ZMIZ1: variants seen among roughly 807,000 people sequenced by gnomAD.
ZMIZ1 encodes the protein zinc finger MIZ-type containing 1.
In ZMIZ1, 17 loss-of-function variants were observed where a neutral mutation model predicts 113.9. The ratio of observed to expected loss-of-function variants is 0.15; its 90% confidence interval spans 0.10 to 0.22. The LOEUF (loss-of-function observed/expected upper bound fraction) is 0.22. ZMIZ1 is among the 10% of genes least tolerant of loss of function. The probability of loss-of-function intolerance (pLI) is 1.00; values close to 1 mark genes in which losing one functional copy is unlikely to be tolerated. For missense variants in ZMIZ1, 1,059 were observed against 1,477.8 expected, an observed-to-expected ratio of 0.72 and a Z score of 4.65; for synonymous variants, 607 against 603.1, an observed-to-expected ratio of 1.01 and a Z score of -0.09.
intron 18 of ZMIZ1, 91 bp downstream of exon 18, chr10:79,302,303 C>A (rs1233113583): frequency 1.5e-6 from 2 of 1,333,120 alleles, no homozygotes; most frequent in South Asian, 1.2e-5. Flanking sequence ...CTGGAACTGA[C>A]CTTTGCCTCC....
intron 6 of ZMIZ1, among the ~76,000 whole-genome samples, chr10:79,211,579 C>T (rs1220432895): frequency 1.3e-5 from 2 of 152,210 alleles, no homozygotes; most frequent in Non-Finnish European, 2.9e-5. Context: ...CACTTAGCCC[C>T]GAGCAGCAAA....
In ZMIZ1 at chr10:79,069,799, T is replaced by C. The variant is rs991882413; in HGVS notation, c.-337+529T>C. 1.1e-4 allele frequency among the ~76,000 whole-genome samples: 16 copies of C among 152,110 alleles called. No individual in the cohort carries two copies. The highest frequency in any genetic ancestry group is 3.3e-4 in the Admixed American group (5 of 15,280). On this transcript the variant is annotated intron_variant, in intron 1 of 24. Transcript: ENST00000334512. This position sits in a 1 kb window ranked among gnomAD's most constrained non-coding sequence, Gnocchi z 4.6. ...TGCGTCTGAATTTCCAGGGAAAACA[T>C]ACACTTTTGTAAATGGGAGGTGGGG...
chr10:79,196,844 C>T (rs1221572596), intron 4 of ZMIZ1, among the ~76,000 whole-genome samples: 3 of 152,232 alleles, frequency 2.0e-5, no homozygotes, highest in Admixed American at 6.5e-5. Flanking sequence ...CTGACTTGCC[C>T]CTCTGCAGCA....
At chr10:79,280,078 C>T (rs1040333409) in intron 8 of ZMIZ1, among the ~76,000 whole-genome samples, 3 of 151,876 alleles carry the variant, frequency 2.0e-5, no homozygotes, top group Non-Finnish European at 4.4e-5. Context: ...AAGCTCCGCC[C>T]CTGGGCTCAA....
intron 7 of ZMIZ1, among the ~76,000 whole-genome samples, chr10:79,244,110 G>A (rs1005799055): frequency 6.6e-6 from 1 of 152,258 alleles, no homozygotes; most frequent in Non-Finnish European, 1.5e-5. Flanking sequence ...CGGAGGCAGC[G>A]CCTGAGGGTC....
At chr10:79,305,076 T>C in intron 19 of ZMIZ1, 88 bp from the exon 20 acceptor site, 1 of 1,439,270 alleles carries the variant, frequency 6.9e-7, no homozygotes, top group Non-Finnish European at 9.8e-7. Context: ...TTCTCTCTGG[T>C]GGGGAAGTTA....
At chr10:79,259,066 GTAT>G (rs1384074919) in intron 7 of ZMIZ1, among the ~76,000 whole-genome samples, 1 of 152,202 alleles carries the variant, frequency 6.6e-6, no homozygotes, top group Admixed American at 6.5e-5. Context: ...CCAGCCGCCC[GTAT>G]TAGTTTAATC....
At chr10:79,180,815 C>A (rs1191377521) in intron 4 of ZMIZ1, among the ~76,000 whole-genome samples, 1 of 152,212 alleles carries the variant, frequency 6.6e-6, no homozygotes, top group Non-Finnish European at 1.5e-5. Context: ...ACCGCAACTC[C>A]ATTTGCAACT....
chr10:79,103,546 C>G (rs1388637526), intron 1 of ZMIZ1, among the ~76,000 whole-genome samples: 2 of 150,688 alleles, frequency 1.3e-5, no homozygotes, highest in Non-Finnish European at 3.0e-5. Context: ...GTGGAGAGGG[C>G]ATTTGATCCA....
At chr10:79,073,978 G>A (rs1030838855) in intron 1 of ZMIZ1, among the ~76,000 whole-genome samples, 3 of 152,212 alleles carry the variant, frequency 2.0e-5, no homozygotes, top group Admixed American at 2.0e-4. Context: ...AGGAAGATCA[G>A]TCCAAATAAA....
At chr10:79,297,961 G>T (rs924828828) in intron 14 of ZMIZ1, among the ~76,000 whole-genome samples, 4 of 152,158 alleles carry the variant, frequency 2.6e-5, no homozygotes, top group Non-Finnish European at 5.9e-5. Context: ...CCCAGATTCT[G>T]CAGGCCCCGA....
chr10:79,122,924 C>G (rs1844360836), intron 2 of ZMIZ1, among the ~76,000 whole-genome samples: 1 of 152,132 alleles, frequency 6.6e-6, no homozygotes. Context: ...GCCCCTGGCC[C>G]AGGAGAGGTA....
intron 7 of ZMIZ1, 30 bp downstream of exon 7, chr10:79,216,304 C>G: frequency 6.4e-7 from 1 of 1,557,202 alleles, no homozygotes; most frequent in East Asian, 2.5e-5. Context: ...TCTGCGATGT[C>G]ACTGGGAGGT....
intron 4 of ZMIZ1, among the ~76,000 whole-genome samples, chr10:79,186,050 A>G (rs550385344): frequency 6.6e-5 from 10 of 152,152 alleles, no homozygotes; most frequent in Non-Finnish European, 1.0e-4. Flanking sequence ...GCCAGTGTTC[A>G]CTTTCAGGTC....
chr10:79,231,078 G>A (rs1849377326), intron 7 of ZMIZ1, among the ~76,000 whole-genome samples: 1 of 152,184 alleles, frequency 6.6e-6, no homozygotes, highest in South Asian at 2.1e-4. Context: ...ACACAGCTAG[G>A]CAGATGACAC....
chr10:79,306,866 G>T (rs1228425911), intron 22 of ZMIZ1, among the ~76,000 whole-genome samples: 2 of 152,180 alleles, frequency 1.3e-5, no homozygotes, highest in Non-Finnish European at 2.9e-5. Flanking sequence ...AGGCCACCTA[G>T]CCGAACTCCC....
chr10:79,251,110 G>A (rs745529239), intron 7 of ZMIZ1, among the ~76,000 whole-genome samples: 7 of 152,098 alleles, frequency 4.6e-5, no homozygotes, highest in Non-Finnish European at 8.8e-5. Context: ...TTTCCAGGTG[G>A]GGATGGGATG....
rs1160670396 is a variant in ZMIZ1 at position 79,211,107 on chromosome 10, T to C, written c.174+2658T>C. 2.6e-5 allele frequency among the ~76,000 whole-genome samples: 4 copies of C among 152,274 alleles called. No individual in the cohort carries two copies. In the East Asian group the frequency reaches 7.7e-4, roughly 29 times the overall value. On this transcript the variant is annotated intron_variant, in intron 6 of 24. Transcript: ENST00000334512. Reference sequence around the variant, plus strand: ...GAGCCAGCAGCTTGAAGGGGCTTGGTGGCGGGTAGTGGGGATTGTCATAAA... The same window carrying C: ...GAGCCAGCAGCTTGAAGGGGCTTGGCGGCGGGTAGTGGGGATTGTCATAAA...
At chr10:79,169,543 T>C (rs527592024) in intron 4 of ZMIZ1, among the ~76,000 whole-genome samples, 2 of 152,386 alleles carry the variant, frequency 1.3e-5, no homozygotes, top group African/African-American at 2.4e-5. Flanking sequence ...GTCTCATCCC[T>C]GGTATTGACT....
Sources: gnomAD v4.1 joint callset for allele counts (sites outside exome capture counted in the v4.1 genomes callset) on GRCh38, gnomAD v4.1.1 for gene constraint, Gnocchi (gnomAD v3.1) non-coding constraint, MANE v1.5 for transcripts, NCBI Gene and HGNC (gene_info 2026-07-23, HGNC 2026-07-21) for gene names.